Variants in HIVEP3 observed in about 807,000 individuals in gnomAD.
The protein encoded by HIVEP3 is HIVEP zinc finger 3.
HIVEP3 carries 49 observed loss-of-function variants against 152.8 expected under a neutral mutation model. That is an observed-to-expected ratio of 0.32 (90% confidence interval 0.26 to 0.41). The LOEUF (loss-of-function observed/expected upper bound fraction) is 0.41, where lower values mean the gene tolerates loss of function less well. HIVEP3 is among the 10% of genes least tolerant of loss of function. The pLI is 1.00. For missense variants in HIVEP3, 2,790 were observed against 3,103.3 expected (o/e 0.90, Z 2.40); for synonymous variants, 1,269 against 1,289.0 (o/e 0.98, Z 0.33).
chr1:41,772,384 G>C (rs1648431550), intron 1 of HIVEP3, among the ~76,000 whole-genome samples: 1 of 152,148 alleles, frequency 6.6e-6, no homozygotes, highest in South Asian at 2.1e-4. Flanking sequence ...TTCCACACAG[G>C]TTAAGCCAGC....
chr1:41,866,141 C>G (rs1028397765), intron 1 of HIVEP3, among the ~76,000 whole-genome samples: 1 of 152,210 alleles, frequency 6.6e-6, no homozygotes. Flanking sequence ...CTTCAGCACC[C>G]TTTACACCAG....
intron 2 of HIVEP3, among the ~76,000 whole-genome samples, chr1:41,693,958 T>A (rs148420339): frequency 6.6e-6 from 1 of 152,220 alleles, no homozygotes; most frequent in Non-Finnish European, 1.5e-5. Flanking sequence ...TACACTGATA[T>A]CTACTTCTGG....
chr1:41,984,620 C>T (rs1645311410), intron 1 of HIVEP3, among the ~76,000 whole-genome samples: 1 of 152,226 alleles, frequency 6.6e-6, no homozygotes, highest in Non-Finnish European at 1.5e-5. Context: ...ACGTTTAAAA[C>T]ACAACCCCCA....
chr1:41,767,904 C>T (rs1455579591), intron 1 of HIVEP3, among the ~76,000 whole-genome samples: 1 of 152,232 alleles, frequency 6.6e-6, no homozygotes, highest in Non-Finnish European at 1.5e-5. Flanking sequence ...GCTCAGGATT[C>T]ATTTTTACCT....
rs74496493 is a variant in HIVEP3 at position 42,014,054 on chromosome 1, G to A, written n.119+21753C>T. 4.2e-3 allele frequency among the ~76,000 whole-genome samples: 643 copies of A among 152,280 alleles called. 7 individuals are homozygous for A. The highest frequency in any genetic ancestry group is 0.015 in the African/African-American group (620 of 41,560). ...ATAATGCCCCATGTTGGAGAAGCAC[G>A]GCTTTCAGTGGAGGAAACAGGAAGT... On this transcript the variant is annotated intron_variant and non_coding_transcript_variant, in intron 1 of 3. Transcript: ENST00000489103.
chr1:41,544,831 TCACCACCACCACTACCAC>T (rs1643657458), intron 5 of HIVEP3, among the ~76,000 whole-genome samples: 2 of 10,152 alleles, frequency 2.0e-4, no homozygotes, highest in Non-Finnish European at 4.0e-4. Flanking sequence ...ACCACCACCA[TCACCACCACCACTACCAC>T]CACCACCACC....
intron 1 of HIVEP3, among the ~76,000 whole-genome samples, chr1:41,980,632 C>T (rs767437207): frequency 2.0e-5 from 3 of 152,060 alleles, no homozygotes; most frequent in Non-Finnish European, 2.9e-5. Context: ...GTTGGTTGCA[C>T]GACTCTGAAA....
intron 2 of HIVEP3, among the ~76,000 whole-genome samples, chr1:41,695,082 C>T (rs1334007007): frequency 2.0e-5 from 3 of 152,184 alleles, no homozygotes; most frequent in Non-Finnish European, 4.4e-5. Flanking sequence ...CTGTATGATG[C>T]CGCTTCTATA....
chr1:41,898,543 C>T (rs1644570860), intron 1 of HIVEP3, among the ~76,000 whole-genome samples: 1 of 152,254 alleles, frequency 6.6e-6, no homozygotes, highest in African/African-American at 2.4e-5. Flanking sequence ...GGCTGAGATG[C>T]ATCTTCAGGT....
At chr1:41,846,961 G>T (rs1004398573) in intron 1 of HIVEP3, among the ~76,000 whole-genome samples, 1 of 152,172 alleles carries the variant, frequency 6.6e-6, no homozygotes, top group Non-Finnish European at 1.5e-5. Context: ...ATCATTCATG[G>T]GTATTCCCTG....
At chr1:41,660,187 G>A (rs1358877261) in intron 2 of HIVEP3, among the ~76,000 whole-genome samples, 2 of 152,134 alleles carry the variant, frequency 1.3e-5, no homozygotes, top group Non-Finnish European at 2.9e-5. Flanking sequence ...GCACACACGT[G>A]TGTATGTGTG....
intron 2 of HIVEP3, among the ~76,000 whole-genome samples, chr1:41,649,961 G>C (rs1202394458): frequency 6.6e-6 from 1 of 152,114 alleles, no homozygotes; most frequent in Non-Finnish European, 1.5e-5. Context: ...TGGGGGAAGG[G>C]AGTCAGGAAA....
At chr1:41,881,406 C>A (rs1457745495) in intron 1 of HIVEP3, among the ~76,000 whole-genome samples, 3 of 152,126 alleles carry the variant, frequency 2.0e-5, no homozygotes, top group African/African-American at 4.8e-5. Flanking sequence ...AATCTGACTC[C>A]AAAATTTCAC....
chr1:41,723,501 CCACACACA>C (rs35823066), intron 1 of HIVEP3, among the ~76,000 whole-genome samples: 3 of 146,446 alleles, frequency 2.0e-5, no homozygotes, highest in African/African-American at 7.6e-5. Context: ...CACACAGCCA[CCACACACA>C]CACACACACA....
intron 1 of HIVEP3, among the ~76,000 whole-genome samples, chr1:42,028,939 C>T (rs780452861): frequency 1.5e-4 from 23 of 152,132 alleles, no homozygotes; most frequent in African/African-American, 3.6e-4. Flanking sequence ...AACATGGGGC[C>T]AATGTCACCA....
intron 1 of HIVEP3, among the ~76,000 whole-genome samples, chr1:41,861,630 G>T (rs1298458930): frequency 6.6e-6 from 1 of 152,216 alleles, no homozygotes; most frequent in South Asian, 2.1e-4. Context: ...TGCACATGCT[G>T]CCTGCATTTC....
intron 1 of HIVEP3, among the ~76,000 whole-genome samples, chr1:41,741,989 T>C (rs761455473): frequency 2.0e-5 from 3 of 152,266 alleles, no homozygotes; most frequent in Non-Finnish European, 4.4e-5. Context: ...AATGTTTTCC[T>C]ATTCCTGACT....
chr1:41,951,900 G>A (rs1311379333), intron 1 of HIVEP3, among the ~76,000 whole-genome samples: 2 of 152,094 alleles, frequency 1.3e-5, no homozygotes, highest in African/African-American at 4.8e-5. Context: ...GATTTGGGTG[G>A]GGACACAGCC....
In HIVEP3 at chr1:41,779,131, T is replaced by G. The variant is rs568948324; in HGVS notation, c.-800-78136A>C. Among the ~76,000 whole-genome samples the G allele has an allele frequency of 3.3e-5, 5 of 152,346 alleles. No individual in the cohort carries two copies. In the South Asian group the frequency reaches 1.0e-3, roughly 32 times the overall value. The stretch of plus-strand genomic sequence containing the variant: ...CCTCCAACCCAAGATGGTGCCCACC[T>G]GCCTGGATCACTTGCCTTCCTCCCA... On this transcript the variant is annotated intron_variant, in intron 1 of 8. Coordinates refer to ENST00000372583, the MANE Select transcript of HIVEP3 (RefSeq NM_024503.5).
Sources: allele counts gnomAD v4.1 joint callset (sites outside exome capture counted in the v4.1 genomes callset), GRCh38; gene constraint gnomAD v4.1.1; transcripts MANE v1.5; gene names NCBI Gene and HGNC (gene_info 2026-07-23, HGNC 2026-07-21).